Variants in SLC16A12 observed in about 807,000 individuals in gnomAD.
The protein encoded by SLC16A12 is solute carrier family 16 member 12.
In SLC16A12, 17 loss-of-function variants were observed where a neutral mutation model predicts 42.4. The observed-to-expected ratio is 0.40, with a 90% CI of 0.27 to 0.60. SLC16A12 has a LOEUF of 0.60. Among genes scored for constraint, SLC16A12 ranks in the 20% least tolerant of loss-of-function variants. The probability of loss-of-function intolerance (pLI) is 0.42; values close to 1 mark genes in which losing one functional copy is unlikely to be tolerated. For missense variants in SLC16A12, 544 were observed against 623.0 expected, an observed-to-expected ratio of 0.87 and a Z score of 1.35; for synonymous variants, 224 against 229.4, an observed-to-expected ratio of 0.98 and a Z score of 0.21.
intron 2 of SLC16A12, among the ~76,000 whole-genome samples, chr10:89,523,293 C>T (rs1843391833): frequency 6.6e-6 from 1 of 152,172 alleles, no homozygotes. Flanking sequence ...CTTCACAAAC[C>T]CACCCTCTAA....
chr10:89,508,785 G>T (rs1393260821), intron 2 of SLC16A12, among the ~76,000 whole-genome samples: 1 of 152,082 alleles, frequency 6.6e-6, no homozygotes, highest in Non-Finnish European at 1.5e-5. Context: ...ATCAATGAAT[G>T]CAGGAGCTGG....
intron 2 of SLC16A12, among the ~76,000 whole-genome samples, chr10:89,490,072 C>CCCT (rs1842824675): frequency 6.6e-6 from 1 of 152,146 alleles, no homozygotes; most frequent in African/African-American, 2.4e-5. Context: ...ACTATAGTGA[C>CCCT]TCAAGGTATG....
chr10:89,490,302 T>A (rs377722488), intron 2 of SLC16A12, among the ~76,000 whole-genome samples: 1 of 152,162 alleles, frequency 6.6e-6, no homozygotes, highest in Non-Finnish European at 1.5e-5. Context: ...AATCCTCCAA[T>A]ACCAACTCCA....
At position 89,439,083 on chromosome 10, in the gene SLC16A12, A is replaced by T; in HGVS notation, c.549T>A (p.Ser183Arg). Reference protein sequence around the residue: ...ALAYGIAMSGSGIGTFILAPV... With the variant: ...ALAYGIAMSGRGIGTFILAPV... ...GAGCCAGGATGAAGGTGCCAATGCC[A>T]CTTCCTGACATGGCGATACCATAAG... The change falls in exon 6 of 8, where the codon AGT becomes AGA. Residue 183 changes from serine to arginine, a missense_variant. Transcript: ENST00000371790. 1 of 1,613,356 alleles carries T rather than the reference A, an allele frequency of 6.2e-7. No individual in the cohort carries two copies. The highest frequency in any genetic ancestry group is 2.2e-5 in the East Asian group (1 of 44,876).
chr10:89,446,375 C>G (rs1462502975), intron 3 of SLC16A12, among the ~76,000 whole-genome samples: 2 of 152,150 alleles, frequency 1.3e-5, no homozygotes, highest in African/African-American at 4.8e-5. Flanking sequence ...GGGTTACCCA[C>G]AAAGGGAAGC....
At chr10:89,458,371 C>T (rs1482215403) in intron 3 of SLC16A12, among the ~76,000 whole-genome samples, 1 of 152,128 alleles carries the variant, frequency 6.6e-6, no homozygotes, top group Non-Finnish European at 1.5e-5. Context: ...GAGAATTTGA[C>T]CTTTGGGTCT....
At position 89,438,739 on chromosome 10, in the gene SLC16A12, C is replaced by T. The variant is rs201390928; in HGVS notation, c.893G>A (p.Ser298Asn). The change falls in exon 6 of 8, where the codon AGC becomes AAC. Residue 298 changes from serine (S) to asparagine (N), a missense_variant. Ser to Asn is a conservative substitution (Grantham distance 46). Coordinates refer to ENST00000371790, the MANE Select transcript of SLC16A12 (RefSeq NM_213606.4). ...AGGCACCAAGTACACAAAGAGAGGG[C>T]TGCAGCCATAAGCCATAAACAGAAC... is the stretch of plus-strand genomic sequence containing the variant. ...VSVLFMAYGCSPLFVYLVPYA... is the reference protein window; with the variant it reads ...VSVLFMAYGCNPLFVYLVPYA... The T allele has an allele frequency of 3.9e-4, 636 of 1,614,174 alleles. No homozygotes were observed. The Middle Eastern group carries it at 4.1e-3, about 10-fold the overall frequency.
At chr10:89,443,726 T>C (rs1442125774) in intron 4 of SLC16A12, 30 bp downstream of exon 4, 4 of 1,480,610 alleles carry the variant, frequency 2.7e-6, no homozygotes, top group African/African-American at 1.4e-5. Flanking sequence ...GAGTGGCCAG[T>C]AATTCCCTAT....
chr10:89,472,487 C>CTTTTTT (rs71022567), intron 2 of SLC16A12, among the ~76,000 whole-genome samples: 273 of 89,828 alleles, frequency 3.0e-3, no homozygotes, highest in Non-Finnish European at 3.9e-3. Flanking sequence ...TCTTTTCTTT[C>CTTTTTT]TTTTTTTTTT....
chr10:89,496,884 C>G (rs562376299), intron 2 of SLC16A12, among the ~76,000 whole-genome samples: 1 of 152,152 alleles, frequency 6.6e-6, no homozygotes, highest in South Asian at 2.1e-4. Flanking sequence ...GGACTCCTAT[C>G]AAGAATGTAA....
At chr10:89,541,102 A>AT (rs757535899) in intron 2 of SLC16A12, among the ~76,000 whole-genome samples, 1 of 148,212 alleles carries the variant, frequency 6.7e-6, no homozygotes, top group Non-Finnish European at 1.5e-5. Context: ...TTTTTTTTGT[A>AT]TTTTTAGTAG....
chr10:89,433,515 C>A (rs1478186803), intron 7 of SLC16A12, among the ~76,000 whole-genome samples, 189 bp from the exon 8 acceptor site: 1 of 152,178 alleles, frequency 6.6e-6, no homozygotes, highest in Non-Finnish European at 1.5e-5. Context: ...TCCAGGAAAA[C>A]TTCTAGAGTG....
intron 2 of SLC16A12, among the ~76,000 whole-genome samples, chr10:89,517,857 CT>C (rs1843280739): frequency 6.6e-6 from 1 of 152,146 alleles, no homozygotes; most frequent in Admixed American, 6.5e-5. Context: ...AGTTATCCCC[CT>C]ATTACAACTT....
chr10:89,493,949 C>A (rs1842884760), intron 2 of SLC16A12, among the ~76,000 whole-genome samples: 1 of 151,596 alleles, frequency 6.6e-6, no homozygotes, highest in Non-Finnish European at 1.5e-5. Context: ...GTTCTAGAAG[C>A]CTGTGAAATT....
At position 89,555,522 on chromosome 10, in the gene SLC16A12, T is replaced by C. The variant is rs917772786; in HGVS notation, c.-47+360A>G. Among the ~76,000 whole-genome samples the C allele has an allele frequency of 3.5e-5, 5 of 142,054 alleles. No homozygotes were observed. The South Asian group carries it at 6.4e-4, about 18-fold the overall frequency. The allele number at this position is 142,054 out of a possible 152,430, so 93.2% of individuals were successfully genotyped here. On this transcript the variant is annotated intron_variant, in intron 2 of 2. Coordinates refer to the SLC16A12 transcript ENST00000475682. Reference sequence around the variant, plus strand: ...GTATATACGTATATATATGTATATATGTGTATATATACGTATGTATGTATA... The same window carrying C: ...GTATATACGTATATATATGTATATACGTGTATATATACGTATGTATGTATA...
chr10:89,544,281 A>G (rs918194407), intron 2 of SLC16A12, among the ~76,000 whole-genome samples: 4 of 152,230 alleles, frequency 2.6e-5, no homozygotes, highest in African/African-American at 9.6e-5. Context: ...GTAGAAGTAT[A>G]TGTTTAAGTG....
chr10:89,473,659 C>T (rs575308360), intron 2 of SLC16A12, among the ~76,000 whole-genome samples: 25 of 152,088 alleles, frequency 1.6e-4, no homozygotes, highest in Non-Finnish European at 3.4e-4. Flanking sequence ...TCAACCCTAC[C>T]GCAACTCACT....
At chr10:89,454,917 C>T (rs1046032886) in intron 3 of SLC16A12, among the ~76,000 whole-genome samples, 1 of 152,010 alleles carries the variant, frequency 6.6e-6, no homozygotes, top group Non-Finnish European at 1.5e-5. Flanking sequence ...TAGTACCTGT[C>T]ATATACTTGG....
intron 2 of SLC16A12, among the ~76,000 whole-genome samples, chr10:89,501,807 A>C (rs1589710264): frequency 6.6e-6 from 1 of 152,310 alleles, no homozygotes; most frequent in African/African-American, 2.4e-5. Flanking sequence ...CATATTTATC[A>C]CTATTTGAAG....
Sources: gnomAD v4.1 joint callset for allele counts (sites outside exome capture counted in the v4.1 genomes callset) on GRCh38, gnomAD v4.1.1 for gene constraint, MANE v1.5 for transcripts, NCBI Gene and HGNC (gene_info 2026-07-23, HGNC 2026-07-21) for gene names.